Variants in COMMD10 observed in about 807,000 individuals in gnomAD.
COMMD10 encodes COMM domain containing 10.
Under a neutral mutation model 28.9 loss-of-function variants are expected in COMMD10, and 33 were observed. The ratio of observed to expected loss-of-function variants is 1.14; its 90% confidence interval spans 0.87 to 1.53. The LOEUF (loss-of-function observed/expected upper bound fraction) is 1.53. Ranked by LOEUF, COMMD10 falls within the 40% of genes most tolerant of loss-of-function variation. COMMD10 has a pLI of 0.00. For synonymous variants in COMMD10, 110 were observed against 81.7 expected (o/e 1.35, Z -1.87); for missense variants, 310 against 233.4 (o/e 1.33, Z -2.14).
At chr5:116,264,816 T>G (rs1235550715) in intron 5 of COMMD10, among the ~76,000 whole-genome samples, 2 of 151,880 alleles carry the variant, frequency 1.3e-5, no homozygotes, top group African/African-American at 4.9e-5. Flanking sequence ...TACGGTCAGT[T>G]CTTTTAGCCT....
At chr5:116,156,890 TA>T (rs1429814550) in intron 5 of COMMD10, among the ~76,000 whole-genome samples, 13 of 152,190 alleles carry the variant, frequency 8.5e-5, no homozygotes, top group Non-Finnish European at 1.9e-4. Context: ...TTATTTTTTC[TA>T]AATTCTCCTT....
intron 5 of COMMD10, among the ~76,000 whole-genome samples, chr5:116,287,483 T>A (rs1751248836): frequency 6.6e-6 from 1 of 151,764 alleles, no homozygotes; most frequent in African/African-American, 2.4e-5. Context: ...CTAAAGTATG[T>A]CTCTTGTAAA....
At chr5:116,158,786 G>A (rs1240791028) in intron 5 of COMMD10, among the ~76,000 whole-genome samples, 1 of 151,454 alleles carries the variant, frequency 6.6e-6, no homozygotes, top group African/African-American at 2.4e-5. Flanking sequence ...TGGATTTGAG[G>A]ATCCACATCT....
intron 5 of COMMD10, among the ~76,000 whole-genome samples, chr5:116,196,135 A>G (rs1477589077): frequency 6.6e-6 from 1 of 152,214 alleles, no homozygotes; most frequent in Admixed American, 6.5e-5. Flanking sequence ...ACTTGCAAAC[A>G]CGCATGTTTA....
intron 5 of COMMD10, among the ~76,000 whole-genome samples, chr5:116,258,798 C>G (rs746096586): frequency 6.6e-6 from 1 of 151,536 alleles, no homozygotes; most frequent in Admixed American, 6.6e-5. Context: ...ATTATTAATG[C>G]TTTGCCTCAT....
chr5:116,171,230 C>T (rs905950569), intron 5 of COMMD10, among the ~76,000 whole-genome samples: 3 of 152,150 alleles, frequency 2.0e-5, no homozygotes, highest in African/African-American at 7.2e-5. Context: ...CGAAAAAAAG[C>T]TCATCATCAG....
At position 116,292,853 on chromosome 5, in the gene COMMD10, T is replaced by G; in HGVS notation, c.*364T>G. The G allele has an allele frequency of 2.5e-6, 1 of 395,134 alleles. No homozygotes were observed. Among genetic ancestry groups the G allele is most frequent in the East Asian group, 3.6e-5 (1 of 27,866 alleles). 24.5% of individuals were successfully genotyped at this position (395,134 alleles called of 1,614,324 possible). A position where few individuals can be genotyped will look rare whatever the true frequency, so the allele number is the denominator to read the frequency against. The stretch of plus-strand genomic sequence containing the variant: ...TCAAGGAGCGTCCATGGATACAAGA[T>G]AAGATGTGTACCTTAGTAGAATACA... On this transcript the variant is annotated 3_prime_UTR_variant, in exon 7 of 7. Coordinates refer to ENST00000274458, the MANE Select transcript of COMMD10 (RefSeq NM_016144.4).
intron 4 of COMMD10, among the ~76,000 whole-genome samples, chr5:116,131,335 A>G (rs1337323416): frequency 6.6e-6 from 1 of 151,848 alleles, no homozygotes; most frequent in Non-Finnish European, 1.5e-5. Context: ...GGATTTCTGG[A>G]CATGCTTTGG....
intron 5 of COMMD10, among the ~76,000 whole-genome samples, chr5:116,162,583 CTT>C (rs895490879): frequency 3.4e-4 from 51 of 152,226 alleles, no homozygotes; most frequent in African/African-American, 1.2e-3. Context: ...TAGATTTTCT[CTT>C]TTTATCATTT....
chr5:116,208,897 ACT>A (rs1394228852), intron 5 of COMMD10, among the ~76,000 whole-genome samples: 3 of 152,188 alleles, frequency 2.0e-5, no homozygotes, highest in African/African-American at 7.2e-5. Context: ...GGATGCAGGT[ACT>A]GTTTATCCAT....
At chr5:116,215,713 T>C (rs923464757) in intron 5 of COMMD10, among the ~76,000 whole-genome samples, 9 of 119,634 alleles carry the variant, frequency 7.5e-5, no homozygotes, top group African/African-American at 2.6e-4. Flanking sequence ...TATATATATA[T>C]ATATATATAT....
At chr5:116,154,167 A>G (rs570123678) in intron 5 of COMMD10, among the ~76,000 whole-genome samples, 2 of 147,838 alleles carry the variant, frequency 1.4e-5, no homozygotes, top group African/African-American at 5.3e-5. Context: ...AAACATTATC[A>G]TTTTCTGTCA....
At position 116,249,856 on chromosome 5, in the gene COMMD10, G is replaced by A. The variant is rs1340998887; in HGVS notation, c.511-41661G>A. ...AGGTCCACATCTGATTTTATGAAAT[G>A]AATCAACAATGACAGTAAAGTAATA... On this transcript the variant is annotated intron_variant, in intron 5 of 6. Coordinates refer to ENST00000274458, the MANE Select transcript of COMMD10 (RefSeq NM_016144.4). Among the ~76,000 whole-genome samples the A allele has an allele frequency of 1.3e-5, 2 of 151,798 alleles. 1 individual carries two copies. Among genetic ancestry groups the A allele is most frequent in the Non-Finnish European group, 2.9e-5 (2 of 67,880 alleles).
At chr5:116,191,464 G>A (rs1380580106) in intron 5 of COMMD10, among the ~76,000 whole-genome samples, 2 of 151,898 alleles carry the variant, frequency 1.3e-5, no homozygotes, top group Non-Finnish European at 2.9e-5. Flanking sequence ...CTCGGTGGGA[G>A]TGAGACTGGC....
intron 5 of COMMD10, among the ~76,000 whole-genome samples, chr5:116,226,492 G>A (rs1580563939): frequency 7.1e-6 from 1 of 140,894 alleles, no homozygotes; most frequent in Non-Finnish European, 1.5e-5. Context: ...AATTACATGT[G>A]TGTCTCTATT....
At chr5:116,204,406 T>C (rs1748758316) in intron 5 of COMMD10, among the ~76,000 whole-genome samples, 1 of 152,220 alleles carries the variant, frequency 6.6e-6, no homozygotes, top group Admixed American at 6.5e-5. Context: ...AATACCATAT[T>C]CATTTAGATG....
chr5:116,160,963 G>C (rs1752895748), intron 5 of COMMD10, among the ~76,000 whole-genome samples: 1 of 151,880 alleles, frequency 6.6e-6, no homozygotes, highest in African/African-American at 2.4e-5. Flanking sequence ...CTTAATTTCA[G>C]GTATTTTTTT....
chr5:116,210,008 G>C (rs1748917694), intron 5 of COMMD10, among the ~76,000 whole-genome samples: 1 of 152,152 alleles, frequency 6.6e-6, no homozygotes, highest in South Asian at 2.1e-4. Context: ...GGGCCTTCTT[G>C]CTGCATCATT....
chr5:116,086,074 T>G (rs1750080967), intron 1 of COMMD10, among the ~76,000 whole-genome samples: 1 of 152,208 alleles, frequency 6.6e-6, no homozygotes. Flanking sequence ...ACAGAATTTT[T>G]GGGAATTTAA....
Sources: gnomAD v4.1 joint callset for allele counts (sites outside exome capture counted in the v4.1 genomes callset) on GRCh38, gnomAD v4.1.1 for gene constraint, MANE v1.5 for transcripts, NCBI Gene and HGNC (gene_info 2026-07-23, HGNC 2026-07-21) for gene names.